Variants in CADM2 observed in about 807,000 individuals in gnomAD.
CADM2 encodes cell adhesion molecule 2.
In CADM2, 12 loss-of-function variants were observed where a neutral mutation model predicts 49.8. That is an observed-to-expected ratio of 0.24 (90% CI 0.15 to 0.39). CADM2 has a LOEUF of 0.39. Ranked by LOEUF, CADM2 falls within the 10% of genes least tolerant of loss-of-function variation. CADM2 has a pLI of 1.00. For missense variants in CADM2, 378 were observed against 492.3 expected, an observed-to-expected ratio of 0.77 and a Z score of 2.20; for synonymous variants, 214 against 175.4, an observed-to-expected ratio of 1.22 and a Z score of -1.74.
chr3:85,716,135 G>T (rs1316943094), intron 1 of CADM2, among the ~76,000 whole-genome samples: 1 of 152,166 alleles, frequency 6.6e-6, no homozygotes, highest in Non-Finnish European at 1.5e-5. Context: ...GTGTAAAAGT[G>T]TTCCTATTTC....
intron 1 of CADM2, among the ~76,000 whole-genome samples, chr3:84,999,917 G>A (rs568550490): frequency 1.3e-5 from 2 of 152,110 alleles, no homozygotes; most frequent in Non-Finnish European, 2.9e-5. Context: ...TATAATTTTA[G>A]AGTTGGATGA....
rs563881912 is a variant in CADM2, at chr3:85,271,314, A to G, written c.61+311646A>G. Among the ~76,000 whole-genome samples, 8 of 151,438 alleles carry G rather than the reference A, an allele frequency of 5.3e-5. No homozygotes were observed. The East Asian group carries it at 7.8e-4, about 15-fold the overall frequency. On this transcript the variant is annotated intron_variant, in intron 1 of 9. Coordinates refer to ENST00000383699, the MANE Select transcript of CADM2 (RefSeq NM_001167675.2). ...GCAGAAATAAATATGAGTTTACTGTACTCATCAAGGACAAAGTAAATTTTT... is the reference window on the plus strand; with the variant it reads ...GCAGAAATAAATATGAGTTTACTGTGCTCATCAAGGACAAAGTAAATTTTT...
intron 1 of CADM2, among the ~76,000 whole-genome samples, chr3:85,330,279 A>G (rs2044880004): frequency 6.6e-6 from 1 of 152,180 alleles, no homozygotes; most frequent in South Asian, 2.1e-4. Context: ...AGAAATGTTG[A>G]ACTGGATGAG....
intron 1 of CADM2, among the ~76,000 whole-genome samples, chr3:85,073,668 A>T (rs914478281): frequency 1.6e-4 from 25 of 152,164 alleles, no homozygotes; most frequent in Admixed American, 1.6e-3. Context: ...GAAACAGATG[A>T]AATTATGCTT....
At chr3:85,261,986 A>G (rs542076573) in intron 1 of CADM2, among the ~76,000 whole-genome samples, 1 of 152,122 alleles carries the variant, frequency 6.6e-6, no homozygotes, top group African/African-American at 2.4e-5. Flanking sequence ...TAGGTGAGAC[A>G]CTTCCACATC....
intron 1 of CADM2, among the ~76,000 whole-genome samples, chr3:85,435,321 T>C (rs2036874945): frequency 6.6e-6 from 1 of 152,168 alleles, no homozygotes; most frequent in Admixed American, 6.6e-5. Flanking sequence ...TCCAGCTTCA[T>C]CCAGGTGCCT....
At chr3:85,236,972 A>T (rs2042421004) in intron 1 of CADM2, among the ~76,000 whole-genome samples, 1 of 152,084 alleles carries the variant, frequency 6.6e-6, no homozygotes, top group Admixed American at 6.6e-5. Flanking sequence ...GAATCTCAAC[A>T]AGGCTCTCAG....
intron 1 of CADM2, among the ~76,000 whole-genome samples, chr3:85,511,071 C>T (rs942537377): frequency 1.3e-5 from 2 of 151,968 alleles, no homozygotes; most frequent in East Asian, 1.9e-4. Context: ...ATATTTCACA[C>T]GTTAGACCTT....
intron 1 of CADM2, chr3:84,960,103 T>C: frequency 5.1e-6 from 1 of 196,650 alleles, no homozygotes; most frequent in Non-Finnish European, 1.0e-5. Context: ...TCAGGTCGCC[T>C]TTTCTTTTCC....
At chr3:85,719,202 T>C (rs2107761309) in intron 1 of CADM2, among the ~76,000 whole-genome samples, 1 of 152,338 alleles carries the variant, frequency 6.6e-6, no homozygotes, top group Middle Eastern at 3.4e-3. Context: ...GTTGCACATA[T>C]TGTAAGTAAT....
intron 1 of CADM2, among the ~76,000 whole-genome samples, chr3:85,499,596 T>G (rs2040035347): frequency 6.6e-6 from 1 of 151,714 alleles, no homozygotes; most frequent in Non-Finnish European, 1.5e-5. Flanking sequence ...TTCTAAAATT[T>G]TATATATTTT....
At chr3:85,940,656 C>T (rs912667329) in intron 7 of CADM2, among the ~76,000 whole-genome samples, 4 of 152,012 alleles carry the variant, frequency 2.6e-5, no homozygotes, top group African/African-American at 7.2e-5. Flanking sequence ...TCTAATTAAT[C>T]ATTGAGATCT....
At chr3:85,657,242 T>A (rs1490782715) in intron 1 of CADM2, among the ~76,000 whole-genome samples, 1 of 152,222 alleles carries the variant, frequency 6.6e-6, no homozygotes, top group African/African-American at 2.4e-5. Flanking sequence ...TAAACCCAGA[T>A]GTGAATAATT....
intron 1 of CADM2, among the ~76,000 whole-genome samples, chr3:85,293,902 C>G (rs980298620): frequency 1.2e-4 from 18 of 151,794 alleles, no homozygotes; most frequent in South Asian, 2.1e-4. Context: ...CCTCCCTCAC[C>G]ACTCCTATTC....
At chr3:85,370,764 A>G (rs369650023) in intron 1 of CADM2, among the ~76,000 whole-genome samples, 6 of 152,120 alleles carry the variant, frequency 3.9e-5, no homozygotes, top group African/African-American at 1.4e-4. Flanking sequence ...GTGTTCCAGA[A>G]GAAGAGATTG....
chr3:84,962,115 C>A (rs2030583059), intron 1 of CADM2, among the ~76,000 whole-genome samples: 1 of 150,972 alleles, frequency 6.6e-6, no homozygotes, highest in Non-Finnish European at 1.5e-5. Flanking sequence ...ACCACTGCAA[C>A]CAGCAGCAAC....
intron 6 of CADM2, among the ~76,000 whole-genome samples, chr3:85,930,992 T>G (rs1042024083): frequency 2.2e-4 from 33 of 151,470 alleles, no homozygotes; most frequent in Non-Finnish European, 1.6e-4. Context: ...TAATGTACCT[T>G]CTAAACATCA....
At chr3:85,472,499 T>G (rs1484889394) in intron 1 of CADM2, among the ~76,000 whole-genome samples, 1 of 152,010 alleles carries the variant, frequency 6.6e-6, no homozygotes, top group African/African-American at 2.4e-5. Context: ...TCTCATATAT[T>G]ATTTATTATG....
chr3:85,107,051 C>A (rs1377607260), intron 1 of CADM2, among the ~76,000 whole-genome samples: 3 of 152,102 alleles, frequency 2.0e-5, no homozygotes, highest in Non-Finnish European at 2.9e-5. Context: ...GGTAAGATAA[C>A]AACTGATTGT....
Sources: gnomAD v4.1 joint callset for allele counts (sites outside exome capture counted in the v4.1 genomes callset) on GRCh38, gnomAD v4.1.1 for gene constraint, MANE v1.5 for transcripts, NCBI Gene and HGNC (gene_info 2026-07-23, HGNC 2026-07-21) for gene names.